The following ZNF248 variants were observed in gnomAD, a reference collection of about 807,000 sequenced individuals.
The protein encoded by ZNF248 is zinc finger protein 248.
ZNF248 carries 20 observed loss-of-function variants against 44.3 expected under a neutral mutation model. That is an observed-to-expected ratio of 0.45 (90% CI 0.32 to 0.66). The LOEUF (loss-of-function observed/expected upper bound fraction) is 0.66. Ranked by LOEUF, ZNF248 falls within the 30% of genes least tolerant of loss-of-function variation. ZNF248 has a pLI of 0.04. For missense variants in ZNF248, 654 were observed against 677.0 expected (o/e 0.97, Z 0.38); for synonymous variants, 224 against 229.0 (o/e 0.98, Z 0.20).
chr10:37,769,226 T>C, the ZNF248 span, among the ~76,000 whole-genome samples: 1 of 152,180 alleles, frequency 6.6e-6, no homozygotes, highest in Non-Finnish European at 1.5e-5. Flanking sequence ...CTTCTGAAAC[T>C]ATTCCAATCA....
intron 6 of ZNF248, among the ~76,000 whole-genome samples, chr10:37,781,558 T>C (rs530986486): frequency 2.3e-4 from 35 of 151,306 alleles, no homozygotes; most frequent in Non-Finnish European, 4.3e-4. Context: ...GTACACCCCT[T>C]AGCCGTTAAT....
chr10:37,787,266 A>G (rs543311365), intron 6 of ZNF248, among the ~76,000 whole-genome samples: 68 of 152,182 alleles, frequency 4.5e-4, no homozygotes, highest in Admixed American at 2.1e-3. Flanking sequence ...GTGACAGAGC[A>G]AGACTCTATC....
chr10:37,854,259 C>A (rs1427226964), intron 3 of ZNF248, among the ~76,000 whole-genome samples: 1 of 152,028 alleles, frequency 6.6e-6, no homozygotes, highest in Non-Finnish European at 1.5e-5. Context: ...ACAAAAATAA[C>A]CAAATATTTC....
At chr10:37,822,369 G>A (rs557437345) in intron 6 of ZNF248, among the ~76,000 whole-genome samples, 43 of 151,982 alleles carry the variant, frequency 2.8e-4, no homozygotes, top group Non-Finnish European at 5.3e-4. Flanking sequence ...TTCCCAGGTT[G>A]CAAAATACAT....
chr10:37,779,130 T>C (rs956502854), intron 6 of ZNF248, among the ~76,000 whole-genome samples: 18 of 150,792 alleles, frequency 1.2e-4, no homozygotes, highest in African/African-American at 2.9e-4. Context: ...TTCCAATCAA[T>C]AGAAAAAGAG....
chr10:37,856,321 T>C lies in ZNF248; in HGVS notation c.-11A>G. 1 of 1,613,612 alleles carries C rather than the reference T, an allele frequency of 6.2e-7. No individual in the cohort carries two copies. The highest frequency in any genetic ancestry group is 8.5e-7 in the Non-Finnish European group (1 of 1,179,778). ...CTGGGATTTGTTCATTTTCCGCTCT[T>C]AGTGGAGGAAGGAGAGCTGAAGGAT... On this transcript the variant is annotated 5_prime_UTR_variant, in exon 3 of 6. Coordinates refer to ENST00000395867, the MANE Select transcript of ZNF248 (RefSeq NM_021045.3).
chr10:37,852,029 T>A (rs929647553), intron 3 of ZNF248, among the ~76,000 whole-genome samples: 1 of 151,872 alleles, frequency 6.6e-6, no homozygotes, highest in African/African-American at 2.4e-5. Flanking sequence ...GGGTGGATCA[T>A]CTGAGGTTGG....
the ZNF248 span, among the ~76,000 whole-genome samples, chr10:37,759,487 G>C: frequency 6.6e-6 from 1 of 152,312 alleles, no homozygotes; most frequent in South Asian, 2.1e-4. Flanking sequence ...GCAGGAGCAG[G>C]GGATGTGTTC....
chr10:37,819,206 A>C, intron 6 of ZNF248: 1 of 807,602 alleles, frequency 1.2e-6, no homozygotes, highest in Non-Finnish European at 2.2e-6. Context: ...TACAGTCTGC[A>C]TGATAATGGA....
At chr10:37,792,040 A>G (rs2048614944) in intron 6 of ZNF248, 1 of 152,204 alleles carries the variant, frequency 6.6e-6, no homozygotes, top group African/African-American at 2.4e-5. Context: ...GTGGTTTTAT[A>G]GCTTGCAGAT....
downstream of ZNF248, among the ~76,000 whole-genome samples, chr10:37,824,212 G>A (rs34591573): frequency 1.3e-5 from 2 of 152,118 alleles, no homozygotes; most frequent in Non-Finnish European, 2.9e-5. Flanking sequence ...CTGATATCCA[G>A]TTTGAAGGTC....
chr10:37,820,515 A>T, intron 6 of ZNF248: 1 of 1,601,632 alleles, frequency 6.2e-7, no homozygotes, highest in Non-Finnish European at 8.5e-7. Flanking sequence ...TGTTGCGGTG[A>T]GGATCGTGCA....
intron 6 of ZNF248, among the ~76,000 whole-genome samples, chr10:37,792,445 A>G (rs1385486754): frequency 6.6e-6 from 1 of 152,242 alleles, no homozygotes. Flanking sequence ...ATATGTATTT[A>G]TCCCCACTCC....
downstream of ZNF248, among the ~76,000 whole-genome samples, chr10:37,824,014 A>T (rs1158501778): frequency 6.6e-6 from 1 of 152,110 alleles, no homozygotes; most frequent in Non-Finnish European, 1.5e-5. Flanking sequence ...AACCAATAAG[A>T]TGTATATATA....
Position 37,856,763 on chromosome 10 carries a change from T to C in ZNF248, c.-125-231A>G, listed in dbSNP as rs1020960170. 1.8e-5 allele frequency: 18 copies of C among 978,210 alleles called. No homozygotes were observed. The African/African-American group carries it at 2.6e-4, about 14-fold the overall frequency. The allele number at this position is 978,210 out of a possible 1,614,324, so 60.6% of individuals were successfully genotyped here. A position where few individuals can be genotyped will look rare whatever the true frequency, so the allele number is the denominator to read the frequency against. On this transcript the variant is annotated intron_variant, in intron 1 of 5. Transcript: ENST00000395867. The stretch of plus-strand genomic sequence containing the variant: ...TTAAATGCAAGTTTAAAAATGTTTG[T>C]TCTAACTTGCTAACAATTCCTCAAA...
chr10:37,775,021 C>G (rs373486790), downstream of ZNF248, among the ~76,000 whole-genome samples: 3 of 152,122 alleles, frequency 2.0e-5, no homozygotes, highest in East Asian at 5.8e-4. Flanking sequence ...CCATCCACCT[C>G]AGCCTCCCAA....
chr10:37,764,310 G>T, the ZNF248 span, among the ~76,000 whole-genome samples: 1 of 152,114 alleles, frequency 6.6e-6, no homozygotes, highest in South Asian at 2.1e-4. Flanking sequence ...GCAAATTCCC[G>T]CCTAATAAAT....
At chr10:37,792,006 G>A (rs553472295) in intron 6 of ZNF248, 10 of 152,352 alleles carry the variant, frequency 6.6e-5, no homozygotes, top group Admixed American at 2.0e-4. Flanking sequence ...TCTTGCAGAA[G>A]AGCTAATTCT....
intron 1 of ZNF248, 199 bp from the exon 2 acceptor site, chr10:37,856,731 T>G (rs537947888): frequency 4.0e-6 from 4 of 988,572 alleles, no homozygotes; most frequent in East Asian, 1.1e-4. Flanking sequence ...AAAAAAGGGA[T>G]AGGATGTTAA....
Sources: allele counts gnomAD v4.1 joint callset (sites outside exome capture counted in the v4.1 genomes callset), GRCh38; gene constraint gnomAD v4.1.1; transcripts MANE v1.5; gene names NCBI Gene and HGNC (gene_info 2026-07-23, HGNC 2026-07-21).